Variants in EPHX1 observed in about 807,000 individuals in gnomAD.
The protein encoded by EPHX1 is epoxide hydrolase 1, also known as epoxide hydratase.
A neutral mutation model predicts 43.2 loss-of-function variants in EPHX1; 40 were observed. The ratio of observed to expected loss-of-function variants is 0.93; its 90% CI spans 0.72 to 1.21. EPHX1 has a LOEUF of 1.21. Ranked by LOEUF, EPHX1 falls within the 50% of genes most tolerant of loss-of-function variation. The probability of loss-of-function intolerance (pLI) is 0.00; values close to 1 mark genes in which losing one functional copy is unlikely to be tolerated. For synonymous variants in EPHX1, 221 were observed against 226.7 expected (o/e 0.98, Z 0.22); for missense variants, 550 against 570.4 (o/e 0.96, Z 0.36).
Position 225,838,761 on chromosome 1 carries a change from T to A in EPHX1, c.472T>A (p.Tyr158Asn). Residue 158 changes from tyrosine to asparagine, a missense_variant, in exon 4 of 9, where the codon TAT (tyrosine) becomes AAT (asparagine). Physicochemically the swap from Tyr to Asn is moderately radical, Grantham distance 143. Transcript: ENST00000272167. ...CTGGCCCGGCTCTTTCTACGAGTTT[T>A]ATAAGATCATCCCACTCCTGACTGA... is the stretch of plus-strand genomic sequence containing the variant. ...HGWPGSFYEF[Y>N]KIIPLLTDPK... 3 of 1,614,198 alleles carry A rather than the reference T, an allele frequency of 1.9e-6. No individual in the cohort carries two copies. The highest frequency in any genetic ancestry group is 2.5e-6 in the Non-Finnish European group (3 of 1,180,042).
chr1:225,834,398 C>T (rs1344669426), intron 3 of EPHX1, among the ~76,000 whole-genome samples: 1 of 151,482 alleles, frequency 6.6e-6, no homozygotes, highest in African/African-American at 2.4e-5. Context: ...AGCAAGACTC[C>T]ATCTCAAAAA....
intron 1 of EPHX1, among the ~76,000 whole-genome samples, chr1:225,827,372 C>T (rs185098471): frequency 6.6e-6 from 1 of 152,158 alleles, no homozygotes; most frequent in Non-Finnish European, 1.5e-5. Context: ...GGCATAAGGA[C>T]GGCCCGCATA....
Position 225,817,561 on chromosome 1 carries a change from C to G in EPHX1, c.-6+7392C>G, listed in dbSNP as rs930292162. 6.6e-6 allele frequency among the ~76,000 whole-genome samples: 1 copy of G among 152,182 alleles called. No individual in the cohort carries two copies. The highest frequency in any genetic ancestry group is 1.5e-5 in the Non-Finnish European group (1 of 68,022). On this transcript the variant is annotated intron_variant, in intron 1 of 8. Transcript: ENST00000272167. This position sits in a 1 kb window ranked among gnomAD's most constrained non-coding sequence, Gnocchi z 5.7. Reference sequence around the variant, plus strand: ...TGCAGAAGCAGCAGACCCTCCAAGCCCACCTACCTCTCTGGCCTGGCATCT... The same window carrying G: ...TGCAGAAGCAGCAGACCCTCCAAGCGCACCTACCTCTCTGGCCTGGCATCT...
At chr1:225,826,447 C>CAAAAAAA (rs374232833) in intron 1 of EPHX1, among the ~76,000 whole-genome samples, 14,297 of 83,484 alleles carry the variant, frequency 0.17, 1,786 homozygotes, top group South Asian at 0.21. Context: ...GACTCTGTCT[C>CAAAAAAA]AAAAAAAAAA....
intron 3 of EPHX1, among the ~76,000 whole-genome samples, chr1:225,836,226 T>C (rs1459029627): frequency 6.6e-6 from 1 of 152,110 alleles, no homozygotes; most frequent in African/African-American, 2.4e-5. Flanking sequence ...AAAATGGATA[T>C]CAGGGGAAAA....
chr1:225,838,807 G>C lies in EPHX1; in HGVS notation c.518G>C (p.Ser173Thr). ...LLTDPKNHGLSDEHVFEVICP... is the reference protein window; with the variant it reads ...LLTDPKNHGLTDEHVFEVICP... ...ACTGACCCCAAGAACCATGGCCTGA[G>C]CGATGAGCACGTTTTTGAAGTCATC... The change falls in exon 4 of 9, where the codon AGC becomes ACC. Residue 173 changes from serine (S) to threonine (T), a missense_variant. Physicochemically the swap from Ser to Thr is moderately conservative, Grantham distance 58 (BLOSUM62 1). Transcript: ENST00000272167. 6.2e-7 allele frequency: 1 copy of C among 1,614,212 alleles called. No individual in the cohort carries two copies. Among genetic ancestry groups the C allele is most frequent in the Non-Finnish European group, 8.5e-7 (1 of 1,180,044 alleles).
rs763966008 is a variant in EPHX1 at position 225,828,930 on chromosome 1, G to A, written c.183+18G>A. 5 of 1,555,820 alleles carry A rather than the reference G, an allele frequency of 3.2e-6. No homozygotes were observed. Among genetic ancestry groups the A allele is most frequent in the African/African-American group, 1.4e-5 (1 of 73,264 alleles). On this transcript the variant is annotated intron_variant, in intron 2 of 8. Transcript: ENST00000272167. The stretch of plus-strand genomic sequence containing the variant: ...AGATCCACGTAAGGCACCTTGGGCC[G>A]GGCCGGGCTGGGCAGTGGAGAGGGT...
intron 1 of EPHX1, among the ~76,000 whole-genome samples, chr1:225,814,282 C>T (rs1666619637): frequency 6.6e-6 from 1 of 152,058 alleles, no homozygotes; most frequent in African/African-American, 2.4e-5. Flanking sequence ...ACCTGTAATC[C>T]CAGCACTTTA....
At chr1:225,824,508 T>C (rs1667134162) in intron 1 of EPHX1, among the ~76,000 whole-genome samples, 1 of 152,244 alleles carries the variant, frequency 6.6e-6, no homozygotes, top group Admixed American at 6.5e-5. Flanking sequence ...TGGATTTGCA[T>C]GTACCATGGA....
At chr1:225,831,161 A>G (rs1045511338) in intron 2 of EPHX1, among the ~76,000 whole-genome samples, 10 of 152,218 alleles carry the variant, frequency 6.6e-5, no homozygotes, top group African/African-American at 2.4e-4. Context: ...AGCCTAGAAT[A>G]TTTACTATCT....
At chr1:225,832,280 CTG>C in intron 3 of EPHX1, 2 of 374,188 alleles carry the variant, frequency 5.3e-6, no homozygotes, top group Non-Finnish European at 1.0e-5. Flanking sequence ...TGGCTCAGAA[CTG>C]TAATCCCAGC....
At chr1:225,834,761 GT>G (rs1365241544) in intron 3 of EPHX1, among the ~76,000 whole-genome samples, 2 of 152,192 alleles carry the variant, frequency 1.3e-5, no homozygotes, top group Non-Finnish European at 2.9e-5. Context: ...ATAGGTTCCT[GT>G]TTGGATTCCT....
intron 1 of EPHX1, among the ~76,000 whole-genome samples, chr1:225,815,652 C>G (rs951265256): frequency 6.6e-6 from 1 of 152,070 alleles, no homozygotes; most frequent in African/African-American, 2.4e-5. Flanking sequence ...TTTTTGAAAC[C>G]TAAGCATTGC....
At position 225,839,144 on chromosome 1, in the gene EPHX1, T is replaced by C. The variant is rs775069866; in HGVS notation, c.593-73T>C. 1.0e-4 allele frequency: 167 copies of C among 1,609,168 alleles called. 1 individual carries two copies. The highest frequency in any genetic ancestry group is 3.3e-4 in the East Asian group (15 of 44,846). ...GGGTAGGCGGGCCTGAGAAATTTCA[T>C]AGAACACCAGAGGGCCCAAGGAGCA... On this transcript the variant is annotated intron_variant, in intron 4 of 8. Coordinates refer to ENST00000272167, the MANE Select transcript of EPHX1 (RefSeq NM_001136018.4).
intron 1 of EPHX1, chr1:225,810,425 C>T (rs1666418734): frequency 6.7e-6 from 1 of 150,248 alleles, no homozygotes. Flanking sequence ...ATTCCGCGTC[C>T]CAGACTGTGG....
rs1668904763 is a variant in EPHX1, at chr1:225,845,544, T to TAAACG, written c.*199_*203dup. On this transcript the variant is annotated 3_prime_UTR_variant, in exon 9 of 9. Coordinates refer to ENST00000272167, the MANE Select transcript of EPHX1 (RefSeq NM_001136018.4). ...GTGGTAAGCAACATGGCTTTGATGATAAACGACTTTACTCTAAAAGCGGCT... is the reference window on the plus strand; with the variant it reads ...GTGGTAAGCAACATGGCTTTGATGATAAACGAAACGACTTTACTCTAAAAGCGGCT... 1 of 618,954 alleles carries TAAACG rather than the reference T, an allele frequency of 1.6e-6. No individual in the cohort carries two copies. Among genetic ancestry groups the TAAACG allele is most frequent in the Non-Finnish European group, 2.8e-6 (1 of 353,984 alleles). 38.3% of individuals were successfully genotyped at this position (618,954 alleles called of 1,614,324 possible).
intron 2 of EPHX1, 139 bp from the exon 3 acceptor site, chr1:225,831,640 A>G (rs928567605): frequency 2.6e-5 from 20 of 759,796 alleles, no homozygotes; most frequent in Non-Finnish European, 4.4e-5. Flanking sequence ...GTAGCCAGTG[A>G]TGTGGGAAAC....
At chr1:225,831,652 G>GC (rs1224826349) in intron 2 of EPHX1, 127 bp from the exon 3 acceptor site, 19 of 865,434 alleles carry the variant, frequency 2.2e-5, no homozygotes, top group Non-Finnish European at 3.1e-5. Flanking sequence ...GTGGGAAACT[G>GC]CCTTGCCACT....
At chr1:225,819,811 GTCC>G (rs1246381479) in intron 1 of EPHX1, among the ~76,000 whole-genome samples, 7 of 152,140 alleles carry the variant, frequency 4.6e-5, no homozygotes, top group Non-Finnish European at 1.0e-4. Flanking sequence ...ATAACTCTTT[GTCC>G]GCACTTAATC....
Sources: gnomAD v4.1 joint callset for allele counts (sites outside exome capture counted in the v4.1 genomes callset) on GRCh38, gnomAD v4.1.1 for gene constraint, Gnocchi (gnomAD v3.1) non-coding constraint, MANE v1.5 for transcripts, NCBI Gene and HGNC (gene_info 2026-07-23, HGNC 2026-07-21) for gene names.